The following EPHB1 variants were observed in gnomAD, a reference collection of about 807,000 sequenced individuals.
The protein encoded by EPHB1 is EPH receptor B1.
Under a neutral mutation model 94.4 loss-of-function variants are expected in EPHB1, and 30 were observed. The observed-to-expected ratio is 0.32, with a 90% CI of 0.24 to 0.43. The LOEUF is 0.43. Ranked by LOEUF, EPHB1 falls within the 20% of genes least tolerant of loss-of-function variation. The probability of loss-of-function intolerance (pLI) is 1.00; values close to 1 mark genes in which losing one functional copy is unlikely to be tolerated. For missense variants in EPHB1, 1,055 were observed against 1,308.3 expected, an observed-to-expected ratio of 0.81 and a Z score of 2.99; for synonymous variants, 522 against 489.1, an observed-to-expected ratio of 1.07 and a Z score of -0.89.
At chr3:134,815,666 A>G (rs1039958518) in intron 1 of EPHB1, among the ~76,000 whole-genome samples, 2 of 152,204 alleles carry the variant, frequency 1.3e-5, no homozygotes, top group African/African-American at 4.8e-5. Context: ...AAAAAGGCTG[A>G]ACCAATTTAT....
At chr3:135,017,416 G>A (rs1431241321) in intron 3 of EPHB1, among the ~76,000 whole-genome samples, 1 of 152,212 alleles carries the variant, frequency 6.6e-6, no homozygotes, top group East Asian at 1.9e-4. Context: ...GCGTGTGTGA[G>A]TGAGAGAGAG....
chr3:135,259,892 C>T lies in EPHB1; in HGVS notation c.*772C>T, dbSNP rs1433354358. On this transcript the variant is annotated 3_prime_UTR_variant, in exon 16 of 16. Transcript: ENST00000398015. ...GTGTTATAAAATGACTGTGCTTGTT[C>T]GTAACAGATGCAAACAAGAAAGAAG... is the stretch of plus-strand genomic sequence containing the variant. The T allele has an allele frequency of 8.8e-6, 2 of 228,240 alleles. No homozygotes were observed. Among genetic ancestry groups the T allele is most frequent in the Non-Finnish European group, 1.7e-5 (2 of 114,666 alleles). 14.1% of individuals were successfully genotyped at this position (228,240 alleles called of 1,614,324 possible). A position where few individuals can be genotyped will look rare whatever the true frequency, so the allele number is the denominator to read the frequency against.
chr3:135,003,668 G>T (rs982149017), intron 3 of EPHB1, among the ~76,000 whole-genome samples: 5 of 152,264 alleles, frequency 3.3e-5, no homozygotes, highest in African/African-American at 1.2e-4. Flanking sequence ...ACATATTTAG[G>T]ATAGTTAGCT....
At chr3:135,151,387 C>G (rs1421104902) in intron 5 of EPHB1, among the ~76,000 whole-genome samples, 1 of 152,150 alleles carries the variant, frequency 6.6e-6, no homozygotes, top group Non-Finnish European at 1.5e-5. Context: ...CAGATACCCA[C>G]TCAGCTCCCT....
intron 13 of EPHB1, among the ~76,000 whole-genome samples, chr3:135,242,740 T>C (rs754545162): frequency 2.5e-4 from 38 of 152,142 alleles, no homozygotes; most frequent in Non-Finnish European, 4.0e-4. Flanking sequence ...TGCACCCTGG[T>C]TCTGTCTATA....
At chr3:135,120,716 C>G (rs1044845298) in intron 4 of EPHB1, among the ~76,000 whole-genome samples, 1 of 152,198 alleles carries the variant, frequency 6.6e-6, no homozygotes, top group African/African-American at 2.4e-5. Flanking sequence ...AGAGAGGCAG[C>G]ACATGTCTCT....
chr3:135,199,680 C>T (rs7622312), intron 11 of EPHB1, among the ~76,000 whole-genome samples: 35,248 of 152,050 alleles, frequency 0.23, 4,681 homozygotes, highest in African/African-American at 0.35. Flanking sequence ...TTGCTCTATT[C>T]CTTCAATTGA....
At chr3:134,935,518 T>G (rs2038984240) in intron 2 of EPHB1, among the ~76,000 whole-genome samples, 1 of 152,378 alleles carries the variant, frequency 6.6e-6, no homozygotes, top group East Asian at 1.9e-4. Flanking sequence ...CATTTTCTGC[T>G]AAGTTCTTTA....
intron 1 of EPHB1, among the ~76,000 whole-genome samples, chr3:134,923,696 C>T (rs1231632661): frequency 1.3e-5 from 2 of 152,204 alleles, no homozygotes; most frequent in Non-Finnish European, 2.9e-5. Flanking sequence ...TTTATCACTT[C>T]TGTTTTAATT....
At chr3:134,844,521 A>G (rs1450031035) in intron 1 of EPHB1, among the ~76,000 whole-genome samples, 2 of 152,188 alleles carry the variant, frequency 1.3e-5, no homozygotes, top group East Asian at 3.8e-4. Context: ...CATCACTTCT[A>G]CTGATACTGC....
intron 3 of EPHB1, among the ~76,000 whole-genome samples, chr3:135,054,040 T>TATATATATATATATACAC (rs377064799): frequency 7.2e-6 from 1 of 139,812 alleles, no homozygotes; most frequent in African/African-American, 2.7e-5. Flanking sequence ...TATATATATA[T>TATATATATATATATACAC]ACACACACAC....
At chr3:134,857,374 G>T (rs1222857485) in intron 1 of EPHB1, among the ~76,000 whole-genome samples, 1 of 152,054 alleles carries the variant, frequency 6.6e-6, no homozygotes, top group Non-Finnish European at 1.5e-5. Context: ...CCTCACACTT[G>T]CAGGTCTTGG....
intron 4 of EPHB1, among the ~76,000 whole-genome samples, chr3:135,115,358 A>G (rs561097300): frequency 6.6e-6 from 1 of 152,286 alleles, no homozygotes; most frequent in Non-Finnish European, 1.5e-5. Flanking sequence ...AGCTTCTTCA[A>G]TATTCTCTGC....
intron 3 of EPHB1, among the ~76,000 whole-genome samples, chr3:134,977,013 G>A (rs1319758941): frequency 6.6e-6 from 1 of 152,200 alleles, no homozygotes; most frequent in East Asian, 1.9e-4. Context: ...TAAAGCTGAG[G>A]AACAATTCTG....
At chr3:135,022,568 T>C (rs1157841250) in intron 3 of EPHB1, among the ~76,000 whole-genome samples, 2 of 152,164 alleles carry the variant, frequency 1.3e-5, no homozygotes, top group Admixed American at 6.5e-5. Context: ...ACCTCTTAAG[T>C]TTTTATTTGT....
intron 12 of EPHB1, among the ~76,000 whole-genome samples, chr3:135,216,612 ACT>A (rs1421250122): frequency 6.6e-5 from 10 of 151,638 alleles, no homozygotes; most frequent in African/African-American, 2.4e-4. Context: ...AATCCCAGCT[ACT>A]TGAGAGGCTG....
At chr3:134,937,912 CTTTT>C (rs113610495) in intron 2 of EPHB1, among the ~76,000 whole-genome samples, 88 of 122,592 alleles carry the variant, frequency 7.2e-4, no homozygotes, top group Non-Finnish European at 1.1e-3. Flanking sequence ...TGGTTCCCTC[CTTTT>C]TTTTTTTTTT....
intron 3 of EPHB1, among the ~76,000 whole-genome samples, chr3:135,004,693 CTTCATTTCA>C (rs1256497102): frequency 1.3e-5 from 2 of 151,592 alleles, no homozygotes; most frequent in African/African-American, 4.9e-5. Flanking sequence ...TCCCTTCTCG[CTTCATTTCA>C]TTCATTTCAT....
intron 1 of EPHB1, among the ~76,000 whole-genome samples, chr3:134,815,239 G>A (rs9882272): frequency 0.99 from 150,160 of 152,310 alleles, 74,025 homozygotes; most frequent in East Asian, 1. Flanking sequence ...TTCCAAATTT[G>A]TAACTGCATT....
Sources: gnomAD v4.1 joint callset for allele counts (sites outside exome capture counted in the v4.1 genomes callset) on GRCh38, gnomAD v4.1.1 for gene constraint, MANE v1.5 for transcripts, NCBI Gene and HGNC (gene_info 2026-07-23, HGNC 2026-07-21) for gene names.